FOXP1: variants seen among roughly 807,000 people sequenced by gnomAD.
FOXP1 encodes forkhead box P1.
In FOXP1, 15 loss-of-function variants were observed where a neutral mutation model predicts 98.2. The ratio of observed to expected loss-of-function variants is 0.15; its 90% CI spans 0.10 to 0.24. The LOEUF is 0.24. FOXP1 is among the 10% of genes least tolerant of loss of function. The pLI, the probability that FOXP1 is intolerant of heterozygous loss-of-function variation, is 1.00. For synonymous variants in FOXP1, 371 were observed against 314.5 expected, an observed-to-expected ratio of 1.18 and a Z score of -1.90; for missense variants, 633 against 848.5, an observed-to-expected ratio of 0.75 and a Z score of 3.15.
rs148140267 is a variant in FOXP1, at chr3:71,356,455, C to T, written c.-73+2695G>A. On this transcript the variant is annotated intron_variant, in intron 4 of 20. Transcript: ENST00000649528. ...CATGCGTCATCTATCAGTAAAACAACGACCAGTGAACCAGCAACAGGATGG... is the reference window on the plus strand; with the variant it reads ...CATGCGTCATCTATCAGTAAAACAATGACCAGTGAACCAGCAACAGGATGG... Among the ~76,000 whole-genome samples, 1,217 of 152,216 alleles carry T rather than the reference C, an allele frequency of 8.0e-3. 3 individuals are homozygous for T. Among genetic ancestry groups the T allele is most frequent in the Non-Finnish European group, 0.012 (811 of 68,012 alleles).
intron 7 of FOXP1, among the ~76,000 whole-genome samples, chr3:71,088,393 G>GTTTTGTTTT (rs1553730902): frequency 5.8e-5 from 7 of 120,144 alleles, no homozygotes; most frequent in Non-Finnish European, 3.7e-5. Context: ...ACATTGTTTT[G>GTTTTGTTTT]TTTTTTGTTT....
chr3:71,532,124 G>C, intron 2 of FOXP1, among the ~76,000 whole-genome samples: 1 of 152,132 alleles, frequency 6.6e-6, no homozygotes, highest in Non-Finnish European at 1.5e-5. Context: ...TTTTGAGACA[G>C]GGTCTCACTG....
chr3:71,169,753 C>T (rs926172847), intron 6 of FOXP1, among the ~76,000 whole-genome samples: 2 of 149,174 alleles, frequency 1.3e-5, no homozygotes, highest in African/African-American at 5.0e-5. Flanking sequence ...CAACATTAGG[C>T]TCCTTAATTA....
chr3:71,284,010 A>C (rs917553653), intron 5 of FOXP1, among the ~76,000 whole-genome samples: 4 of 152,182 alleles, frequency 2.6e-5, no homozygotes, highest in African/African-American at 9.6e-5. Context: ...CTAAAGAAAC[A>C]AATACAACTT....
At chr3:71,212,488 TG>T in intron 5 of FOXP1, among the ~76,000 whole-genome samples, 1 of 152,284 alleles carries the variant, frequency 6.6e-6, no homozygotes, top group South Asian at 2.1e-4. Flanking sequence ...TCCTAGTTCA[TG>T]GGTATTACGC....
At chr3:71,015,958 C>T (rs1284551731) in intron 11 of FOXP1, among the ~76,000 whole-genome samples, 2 of 152,122 alleles carry the variant, frequency 1.3e-5, no homozygotes, top group Non-Finnish European at 2.9e-5. Flanking sequence ...CTTTAAAAAG[C>T]TAGAACTTAT....
chr3:71,437,971 A>G (rs2085528237), intron 3 of FOXP1, among the ~76,000 whole-genome samples: 1 of 152,210 alleles, frequency 6.6e-6, no homozygotes, highest in Non-Finnish European at 1.5e-5. Flanking sequence ...GGGGTAGAAA[A>G]TTAACATGGA....
chr3:71,484,398 T>A (rs1276873059), intron 3 of FOXP1, among the ~76,000 whole-genome samples: 1 of 152,216 alleles, frequency 6.6e-6, no homozygotes, highest in Admixed American at 6.5e-5. Context: ...ACTTCAAGGA[T>A]ATGTAAGGTT....
chr3:71,126,693 G>T (rs2059205256), intron 6 of FOXP1, among the ~76,000 whole-genome samples: 1 of 151,108 alleles, frequency 6.6e-6, no homozygotes, highest in Non-Finnish European at 1.5e-5. Flanking sequence ...GTGTGATGGT[G>T]CACACCTGTA....
intron 2 of FOXP1, among the ~76,000 whole-genome samples, chr3:71,505,988 GC>G (rs1299593325): frequency 2.6e-5 from 4 of 152,202 alleles, no homozygotes; most frequent in Non-Finnish European, 5.9e-5. Context: ...GCCTCTCTGG[GC>G]AAGAAGTTAA....
chr3:71,301,960 C>T (rs1238706444), intron 4 of FOXP1, among the ~76,000 whole-genome samples: 2 of 152,128 alleles, frequency 1.3e-5, no homozygotes, highest in South Asian at 2.1e-4. Context: ...TACAACTGAC[C>T]ATCCAATTTA....
chr3:71,122,059 G>A (rs1176325774), intron 6 of FOXP1, among the ~76,000 whole-genome samples: 1 of 152,106 alleles, frequency 6.6e-6, no homozygotes, highest in Non-Finnish European at 1.5e-5. Context: ...TGAAGCTTGT[G>A]GAAGAATCTA....
At chr3:71,241,918 G>C (rs1000809475) in intron 5 of FOXP1, among the ~76,000 whole-genome samples, 3 of 152,180 alleles carry the variant, frequency 2.0e-5, no homozygotes, top group Admixed American at 2.0e-4. Flanking sequence ...TTTTAGAAGA[G>C]AGGAAGATTT....
intron 6 of FOXP1, among the ~76,000 whole-genome samples, chr3:71,183,046 G>T (rs914775009): frequency 3.9e-5 from 6 of 151,942 alleles, no homozygotes; most frequent in African/African-American, 1.5e-4. Flanking sequence ...CTTCTTCTAA[G>T]GTTAGAGATT....
intron 3 of FOXP1, among the ~76,000 whole-genome samples, chr3:71,416,582 ACACACACACACGC>A (rs1416693949): frequency 1.7e-4 from 21 of 125,558 alleles, no homozygotes; most frequent in Non-Finnish European, 3.6e-4. Context: ...ACACACACAC[ACACACACACACGC>A]AAAAAAAAAT....
intron 13 of FOXP1, among the ~76,000 whole-genome samples, chr3:70,991,035 T>A (rs1318443776): frequency 1.3e-5 from 2 of 148,622 alleles, no homozygotes; most frequent in Admixed American, 6.9e-5. Context: ...GCTTTATGAA[T>A]GCTCAACAAC....
At chr3:71,234,617 G>C (rs2066619558) in intron 5 of FOXP1, among the ~76,000 whole-genome samples, 2 of 152,222 alleles carry the variant, frequency 1.3e-5, no homozygotes, top group African/African-American at 4.8e-5. Context: ...TCTCTGAGGT[G>C]TCTGCAAAGA....
chr3:71,494,257 A>G (rs1026444470), intron 2 of FOXP1, among the ~76,000 whole-genome samples: 2 of 152,232 alleles, frequency 1.3e-5, no homozygotes, highest in Non-Finnish European at 2.9e-5. Flanking sequence ...CTGTAGGGTC[A>G]GGGCATTAAC....
chr3:71,215,934 G>A (rs1342630015), intron 5 of FOXP1, among the ~76,000 whole-genome samples: 3 of 152,222 alleles, frequency 2.0e-5, no homozygotes, highest in Non-Finnish European at 4.4e-5. Context: ...CTTTTCAGCA[G>A]CATTTCTCCT....
Sources: gnomAD v4.1 joint callset for allele counts (sites outside exome capture counted in the v4.1 genomes callset) on GRCh38, gnomAD v4.1.1 for gene constraint, MANE v1.5 for transcripts, NCBI Gene and HGNC (gene_info 2026-07-23, HGNC 2026-07-21) for gene names.